Variants in PNPLA5 observed in about 807,000 individuals in gnomAD.
PNPLA5 encodes the protein patatin-like phospholipase domain-containing protein 5.
Under a neutral mutation model 49.1 loss-of-function variants are expected in PNPLA5, and 44 were observed. The ratio of observed to expected loss-of-function variants is 0.90; its 90% CI spans 0.70 to 1.15. The LOEUF (loss-of-function observed/expected upper bound fraction) is 1.15. Ranked by LOEUF, PNPLA5 falls within the 50% of genes most tolerant of loss-of-function variation. The pLI is 0.00. For missense variants in PNPLA5, 603 were observed against 564.0 expected (o/e 1.07, Z -0.70); for synonymous variants, 243 against 244.4 (o/e 0.99, Z 0.06).
intron 2 of PNPLA5, 123 bp from the exon 3 acceptor site, chr22:43,889,987 G>T: frequency 6.8e-7 from 1 of 1,462,504 alleles, no homozygotes. Context: ...ACGTCCAGAT[G>T]AGGGAGCTGA....
chr22:43,889,302 C>T, intron 4 of PNPLA5, 27 bp downstream of exon 4: 1 of 1,611,958 alleles, frequency 6.2e-7, no homozygotes, highest in Non-Finnish European at 8.5e-7. Context: ...GGCCAAGCCT[C>T]TAACACCATC....
Position 43,884,351 on chromosome 22 carries a change from A to G in PNPLA5, c.950-6T>C, listed in dbSNP as rs1173967396. 3.9e-6 allele frequency: 6 copies of G among 1,552,568 alleles called. No individual in the cohort carries two copies. The highest frequency in any genetic ancestry group is 4.4e-6 in the Non-Finnish European group (5 of 1,148,178). ...CGTACATGCTTTCTTCAGTGCTGCA[A>G]GAGAAGCCCTGGCATGGCCCTGCCC... On this transcript the variant is annotated splice_region_variant and splice_polypyrimidine_tract_variant and intron_variant, in intron 6 of 8. Coordinates refer to ENST00000216177, the MANE Select transcript of PNPLA5 (RefSeq NM_138814.4).
Position 43,880,111 on chromosome 22 carries a change from G to A in PNPLA5, c.*684C>T, listed in dbSNP as rs534946378. The A allele has an allele frequency of 7.7e-6, 2 of 260,454 alleles. No individual in the cohort carries two copies. The highest frequency in any genetic ancestry group is 1.1e-4 in the Admixed American group (2 of 18,262). The allele number at this position is 260,454 out of a possible 1,614,324, so 16.1% of individuals were successfully genotyped here. ...GCCTGGTGTCCCTGGCATCCTCTCT[G>A]CCCCAGGTACAGGCACAGCTACGTC... is the stretch of plus-strand genomic sequence containing the variant. On this transcript the variant is annotated 3_prime_UTR_variant, in exon 9 of 9. Transcript: ENST00000216177.
At chr22:43,889,691 C>G in intron 3 of PNPLA5, 108 bp downstream of exon 3, 1 of 1,517,366 alleles carries the variant, frequency 6.6e-7, no homozygotes, top group Non-Finnish European at 8.8e-7. Flanking sequence ...GAGGGCCTGG[C>G]ACACAGTAGG....
At chr22:43,885,298 C>G (rs2049651829) in intron 6 of PNPLA5, among the ~76,000 whole-genome samples, 2 of 152,108 alleles carry the variant, frequency 1.3e-5, no homozygotes, top group Admixed American at 6.5e-5. Context: ...GAAAGGGGCC[C>G]CCTTCCTCAT....
At chr22:43,889,898 T>G in intron 2 of PNPLA5, 34 bp from the exon 3 acceptor site, 1 of 1,609,658 alleles carries the variant, frequency 6.2e-7, no homozygotes, top group South Asian at 1.1e-5. Context: ...AACACAACTG[T>G]GCATGCTTCT....
At chr22:43,888,372 G>GTA (rs1491257211) in intron 4 of PNPLA5, among the ~76,000 whole-genome samples, 397 of 4,830 alleles carry the variant, frequency 0.082, 2 homozygotes, top group Non-Finnish European at 0.1. Context: ...GGGCAGAGGA[G>GTA]TGTGTGTGTG....
In PNPLA5 at chr22:43,880,892, A is replaced by G; in HGVS notation, c.1200-7T>C. The G allele has an allele frequency of 7.6e-7, 1 of 1,321,880 alleles. No individual in the cohort carries two copies. The highest frequency in any genetic ancestry group is 2.9e-5 in the South Asian group (1 of 34,164). The allele number at this position is 1,321,880 out of a possible 1,614,324, so 81.9% of individuals were successfully genotyped here. A position where few individuals can be genotyped will look rare whatever the true frequency, so the allele number is the denominator to read the frequency against. On this transcript the variant is annotated splice_region_variant and splice_polypyrimidine_tract_variant and intron_variant, in intron 8 of 8. Transcript: ENST00000216177. ...GACGCGAGTGGCCGGAGGGCTGTGG[A>G]GGGAGGAGAAGCCACGGGTAAATGC...
At chr22:43,889,585 C>A in intron 3 of PNPLA5, 47 bp from the exon 4 acceptor site, 1 of 1,557,170 alleles carries the variant, frequency 6.4e-7, no homozygotes, top group Non-Finnish European at 8.7e-7. Flanking sequence ...TCTCAGAGGG[C>A]CTCCCACACT....
intron 2 of PNPLA5, chr22:43,890,157 C>T (rs2049708583): frequency 2.4e-6 from 2 of 818,240 alleles, no homozygotes; most frequent in Non-Finnish European, 1.5e-6. Context: ...AGACTCCTTG[C>T]CTGTGTAGCA....
chr22:43,882,350 C>T (rs1036337817), intron 7 of PNPLA5, among the ~76,000 whole-genome samples: 4 of 152,232 alleles, frequency 2.6e-5, no homozygotes, highest in Admixed American at 6.5e-5. Flanking sequence ...AGCCACAGCC[C>T]TGTGGGGCCA....
At chr22:43,886,540 C>T (rs374506598) in intron 5 of PNPLA5, 52 bp from the exon 6 acceptor site, 94 of 1,558,576 alleles carry the variant, frequency 6.0e-5, no homozygotes, top group Non-Finnish European at 7.6e-5. Context: ...CTCCCCAAGG[C>T]GCCCCATGCT....
chr22:43,884,366 T>G (rs2049640953), intron 6 of PNPLA5, 21 bp from the exon 7 acceptor site: 1 of 1,538,422 alleles, frequency 6.5e-7, no homozygotes, highest in African/African-American at 1.4e-5. Flanking sequence ...AGCCCTGGCA[T>G]GGCCCTGCCC....
rs1362469375 is a variant in PNPLA5 at position 43,887,655 on chromosome 22, C to G, written c.703-4G>C. 1 of 1,600,154 alleles carries G rather than the reference C, an allele frequency of 6.2e-7. No homozygotes were observed. The highest frequency in any genetic ancestry group is 1.7e-5 in the Admixed American group (1 of 58,664). ...GTCTGCAGTTGTCGGCCACTACCTG[C>G]CAACACACAGGGCAAGGGTGAGATG... On this transcript the variant is annotated splice_region_variant and splice_polypyrimidine_tract_variant and intron_variant, in intron 4 of 8. Coordinates refer to ENST00000216177, the MANE Select transcript of PNPLA5 (RefSeq NM_138814.4).
Position 43,887,642 on chromosome 22 carries a change from C to T in PNPLA5, c.712G>A (p.Asp238Asn), listed in dbSNP as rs749416949. The T allele has an allele frequency of 6.5e-5, 105 of 1,603,852 alleles. No individual in the cohort carries two copies. The highest frequency in any genetic ancestry group is 2.8e-4 in the South Asian group (25 of 89,178). ...LIPPSLEVVA[D>N]NCRQGYLDAL... ...TCCAGGTAGCCTTGTCTGCAGTTGT[C>T]GGCCACTACCTGCCAACACACAGGG... Residue 238 changes from aspartate to asparagine, a missense_variant, in exon 5 of 9, where the codon GAC becomes AAC. By Grantham distance (23) the Asp-to-Asn change is conservative (BLOSUM62 1). Coordinates refer to ENST00000216177, the MANE Select transcript of PNPLA5 (RefSeq NM_138814.4).
rs562545845 is a variant in PNPLA5, at chr22:43,883,549, C to T, written c.1082+664G>A. Among the ~76,000 whole-genome samples, 7 of 152,324 alleles carry T rather than the reference C, an allele frequency of 4.6e-5. No homozygotes were observed. In the East Asian group the frequency reaches 9.7e-4, roughly 21 times the overall value. On this transcript the variant is annotated intron_variant, in intron 7 of 8. Transcript: ENST00000216177. ...AAGGAACCTGTAGCGGTGGCTCATGCCTGTCATCCCAGCACTTTGGGAGGG... is the reference window on the plus strand; with the variant it reads ...AAGGAACCTGTAGCGGTGGCTCATGTCTGTCATCCCAGCACTTTGGGAGGG...
intron 4 of PNPLA5, among the ~76,000 whole-genome samples, chr22:43,889,086 C>T (rs28540290): frequency 4.6e-5 from 7 of 152,212 alleles, no homozygotes; most frequent in Non-Finnish European, 5.9e-5. Flanking sequence ...GCAGAGTTGG[C>T]GTGAGTGTGT....
At chr22:43,887,741 GA>G in intron 4 of PNPLA5, 90 bp from the exon 5 acceptor site, 1 of 1,546,022 alleles carries the variant, frequency 6.5e-7, no homozygotes, top group Non-Finnish European at 8.7e-7. Context: ...TCTTCAACTG[GA>G]AATAGTCCCA....
In PNPLA5 at chr22:43,881,565, G is replaced by A. The variant is rs1027284450; in HGVS notation, c.1192C>T (p.Pro398Ser). Residue 398 changes from proline to serine, a missense_variant, in exon 8 of 9, where the codon CCC becomes TCC. Transcript: ENST00000216177. ...FSRTKAQLLG[P>S]ISPPATRVLE... ...GCCCTCTGCCCACCTCACCTGATGG[G>A]CCCAAGGAGCTGGGCCTTGGTCCTG... 2.5e-6 allele frequency: 4 copies of A among 1,591,722 alleles called. No individual in the cohort carries two copies. Among genetic ancestry groups the A allele is most frequent in the Admixed American group, 3.5e-5 (2 of 56,592 alleles).
Sources: gnomAD v4.1 joint callset for allele counts (sites outside exome capture counted in the v4.1 genomes callset) on GRCh38, gnomAD v4.1.1 for gene constraint, MANE v1.5 for transcripts, NCBI Gene and HGNC (gene_info 2026-07-23, HGNC 2026-07-21) for gene names.